The following DOK6 variants were observed in gnomAD, a reference collection of about 807,000 sequenced individuals.
The protein encoded by DOK6 is downstream of tyrosine kinase 6.
A neutral mutation model predicts 44.0 loss-of-function variants in DOK6; 22 were observed. The observed-to-expected ratio is 0.50, with a 90% CI of 0.36 to 0.71. DOK6 has a LOEUF of 0.71. Among genes scored for constraint, DOK6 ranks in the 30% least tolerant of loss-of-function variants. The pLI, the probability that DOK6 is intolerant of heterozygous loss-of-function variation, is 0.00. For synonymous variants in DOK6, 166 were observed against 145.5 expected, an observed-to-expected ratio of 1.14 and a Z score of -1.01; for missense variants, 340 against 416.4, an observed-to-expected ratio of 0.82 and a Z score of 1.60.
intron 1 of DOK6, among the ~76,000 whole-genome samples, chr18:69,444,509 A>G (rs1037441516): frequency 1.3e-5 from 2 of 152,178 alleles, no homozygotes; most frequent in Non-Finnish European, 2.9e-5. Flanking sequence ...GTTTACTTGG[A>G]TGAAAACTTC....
intron 3 of DOK6, among the ~76,000 whole-genome samples, chr18:69,612,448 T>G (rs1237176562): frequency 7.9e-5 from 12 of 151,268 alleles, no homozygotes; most frequent in South Asian, 2.1e-4. Context: ...CGAGGGCGCA[T>G]GTGTGCGAGC....
At chr18:69,777,004 T>TGGGGGGC (rs1568123357) in intron 7 of DOK6, among the ~76,000 whole-genome samples, 1 of 62,004 alleles carries the variant, frequency 1.6e-5, no homozygotes, top group Admixed American at 1.9e-4. Context: ...TGTTGTTGGG[T>TGGGGGGC]GGGGGGAGGG....
At chr18:69,436,166 T>C (rs961765229) in intron 1 of DOK6, among the ~76,000 whole-genome samples, 1 of 129,310 alleles carries the variant, frequency 7.7e-6, no homozygotes, top group African/African-American at 3.1e-5. Flanking sequence ...ATACGAATTA[T>C]CTGGATTTTT....
chr18:69,425,229 G>T (rs889186135), intron 1 of DOK6, among the ~76,000 whole-genome samples: 2 of 151,902 alleles, frequency 1.3e-5, no homozygotes, highest in Non-Finnish European at 2.9e-5. Context: ...TCGATAATTT[G>T]CCCACTTCCA....
intron 1 of DOK6, among the ~76,000 whole-genome samples, chr18:69,466,629 T>C (rs113317011): frequency 6.6e-6 from 1 of 152,118 alleles, no homozygotes; most frequent in African/African-American, 2.4e-5. Context: ...TTACATATTT[T>C]TGTCTTTGAA....
intron 1 of DOK6, among the ~76,000 whole-genome samples, chr18:69,476,202 A>G (rs1980256706): frequency 1.3e-5 from 2 of 152,162 alleles, no homozygotes; most frequent in Admixed American, 1.3e-4. Context: ...TTTTAAATGC[A>G]CGTCTTCACA....
At chr18:69,756,150 G>T (rs937680101) in intron 6 of DOK6, among the ~76,000 whole-genome samples, 16 of 152,154 alleles carry the variant, frequency 1.1e-4, no homozygotes, top group African/African-American at 3.6e-4. Flanking sequence ...CAATGACCTG[G>T]GTGGGTCAGA....
At chr18:69,581,649 G>A (rs1405900145) in intron 2 of DOK6, among the ~76,000 whole-genome samples, 2 of 152,098 alleles carry the variant, frequency 1.3e-5, no homozygotes, top group Non-Finnish European at 2.9e-5. Flanking sequence ...TTAATTAGTT[G>A]CTAACTCAAC....
chr18:69,709,003 A>G (rs1986698821), intron 5 of DOK6, among the ~76,000 whole-genome samples: 1 of 152,188 alleles, frequency 6.6e-6, no homozygotes, highest in Non-Finnish European at 1.5e-5. Context: ...CTTGAGCTGC[A>G]GGAGAGTGAT....
chr18:69,695,581 A>G (rs1986370774), intron 4 of DOK6, among the ~76,000 whole-genome samples: 1 of 152,250 alleles, frequency 6.6e-6, no homozygotes, highest in South Asian at 2.1e-4. Context: ...AAGAGAATAC[A>G]CTGATACAGT....
At chr18:69,829,744 C>A (rs1482393290) in intron 7 of DOK6, among the ~76,000 whole-genome samples, 4 of 151,104 alleles carry the variant, frequency 2.6e-5, no homozygotes, top group African/African-American at 4.9e-5. Flanking sequence ...ACAGATTTGA[C>A]CACGAGAAAT....
chr18:69,670,211 G>A (rs1036510460), intron 3 of DOK6, among the ~76,000 whole-genome samples: 6 of 152,124 alleles, frequency 3.9e-5, no homozygotes, highest in South Asian at 2.1e-4. Context: ...GGGGACTAAC[G>A]TCAAAATGTT....
At chr18:69,810,214 G>A (rs556991257) in intron 7 of DOK6, among the ~76,000 whole-genome samples, 7 of 151,494 alleles carry the variant, frequency 4.6e-5, no homozygotes, top group South Asian at 2.1e-4. Flanking sequence ...CAAAAGTGCC[G>A]AGAACAGTTT....
intron 7 of DOK6, among the ~76,000 whole-genome samples, chr18:69,788,274 G>A (rs72951551): frequency 6.6e-5 from 10 of 152,274 alleles, no homozygotes; most frequent in East Asian, 1.9e-4. Flanking sequence ...GAACTGGCAC[G>A]TTACTAGTTG....
chr18:69,508,850 A>G (rs1486431985), intron 1 of DOK6, among the ~76,000 whole-genome samples: 2 of 152,226 alleles, frequency 1.3e-5, no homozygotes, highest in Non-Finnish European at 2.9e-5. Context: ...AGAATGAGTG[A>G]TATAGACAGA....
At chr18:69,599,551 C>A (rs550551721) in intron 3 of DOK6, 53 bp downstream of exon 3, 43 of 1,453,606 alleles carry the variant, frequency 3.0e-5, no homozygotes, top group Non-Finnish European at 4.0e-5. Context: ...GCTTGTGAGA[C>A]AATGGCCCAG....
intron 1 of DOK6, among the ~76,000 whole-genome samples, chr18:69,421,157 G>T (rs760632238): frequency 1.4e-4 from 21 of 152,078 alleles, no homozygotes; most frequent in Non-Finnish European, 2.2e-4. Flanking sequence ...TCTATATGCA[G>T]CAGTATGATT....
At chr18:69,839,077 T>G (rs1287881014) in intron 7 of DOK6, among the ~76,000 whole-genome samples, 1 of 133,626 alleles carries the variant, frequency 7.5e-6, no homozygotes, top group Non-Finnish European at 1.6e-5. Context: ...AGTCTCTCCC[T>G]AACTCCTCCT....
chr18:69,527,646 G>T (rs1981868155), intron 1 of DOK6, among the ~76,000 whole-genome samples: 1 of 152,068 alleles, frequency 6.6e-6, no homozygotes, highest in Non-Finnish European at 1.5e-5. Context: ...CTCCCATTCT[G>T]CATTCCATCT....
Sources: gnomAD v4.1 joint callset for allele counts (sites outside exome capture counted in the v4.1 genomes callset) on GRCh38, gnomAD v4.1.1 for gene constraint, MANE v1.5 for transcripts, NCBI Gene and HGNC (gene_info 2026-07-23, HGNC 2026-07-21) for gene names.